Variants in THSD7A observed in about 807,000 individuals in gnomAD.
THSD7A encodes the protein thrombospondin type 1 domain containing 7A.
In THSD7A, 96 loss-of-function variants were observed where a neutral mutation model predicts 231.3. That is an observed-to-expected ratio of 0.41 (90% confidence interval 0.35 to 0.49). THSD7A has a LOEUF of 0.49. THSD7A is among the 20% of genes least tolerant of loss of function. The probability of loss-of-function intolerance (pLI) is 0.05; values close to 1 mark genes in which losing one functional copy is unlikely to be tolerated. For missense variants in THSD7A, 2,290 were observed against 2,070.2 expected (o/e 1.11, Z -2.06); for synonymous variants, 940 against 743.3 (o/e 1.26, Z -4.30).
chr7:11,562,395 T>C (rs937164158), intron 4 of THSD7A, among the ~76,000 whole-genome samples: 11 of 152,186 alleles, frequency 7.2e-5, no homozygotes, highest in Non-Finnish European at 1.2e-4. Flanking sequence ...GCTCAAAGGT[T>C]GAGAAAAATG....
At chr7:11,616,249 G>C (rs2128350870) in intron 2 of THSD7A, among the ~76,000 whole-genome samples, 1 of 152,174 alleles carries the variant, frequency 6.6e-6, no homozygotes, top group South Asian at 2.1e-4. Flanking sequence ...TCTTCATAAA[G>C]TTGTTATGGT....
chr7:11,673,499 T>C (rs959598956), intron 1 of THSD7A, among the ~76,000 whole-genome samples: 2 of 152,138 alleles, frequency 1.3e-5, no homozygotes, highest in Non-Finnish European at 2.9e-5. Flanking sequence ...GACATGTTCT[T>C]GTGCCCATCA....
intron 2 of THSD7A, among the ~76,000 whole-genome samples, chr7:11,624,776 T>C (rs1430576861): frequency 6.6e-6 from 1 of 152,068 alleles, no homozygotes; most frequent in Non-Finnish European, 1.5e-5. Context: ...TTAAAGTAAT[T>C]TTATTTATTT....
At chr7:11,607,622 T>C (rs905533674) in intron 2 of THSD7A, among the ~76,000 whole-genome samples, 3 of 152,064 alleles carry the variant, frequency 2.0e-5, no homozygotes, top group East Asian at 3.9e-4. Context: ...CTTATAATTA[T>C]TTATTTATTT....
intron 19 of THSD7A, among the ~76,000 whole-genome samples, chr7:11,410,870 A>T (rs1783760416): frequency 6.6e-6 from 1 of 152,106 alleles, no homozygotes; most frequent in Non-Finnish European, 1.5e-5. Context: ...TGTCCCAGGC[A>T]CTACACAAAA....
chr7:11,445,779 G>T (rs1784948157), intron 13 of THSD7A, among the ~76,000 whole-genome samples: 1 of 151,932 alleles, frequency 6.6e-6, no homozygotes, highest in Non-Finnish European at 1.5e-5. Context: ...ATAAGCTCTG[G>T]GGGACCGTTC....
At chr7:11,752,823 G>T (rs1782545573) in intron 1 of THSD7A, among the ~76,000 whole-genome samples, 1 of 152,020 alleles carries the variant, frequency 6.6e-6, no homozygotes, top group African/African-American at 2.4e-5. Flanking sequence ...CTACTCAAGA[G>T]GCTGAGTTGA....
chr7:11,765,023 C>G (rs887208747), intron 1 of THSD7A, among the ~76,000 whole-genome samples: 1 of 151,918 alleles, frequency 6.6e-6, no homozygotes, highest in African/African-American at 2.4e-5. Context: ...TGATTAAATA[C>G]TTAAAAATAT....
intron 4 of THSD7A, among the ~76,000 whole-genome samples, chr7:11,559,443 T>C (rs1296254107): frequency 6.6e-6 from 1 of 151,996 alleles, no homozygotes; most frequent in Non-Finnish European, 1.5e-5. Flanking sequence ...GGTAAATACA[T>C]TAATTACAAA....
At chr7:11,657,665 ATATGCAAATC>A (rs1782758706) in intron 1 of THSD7A, among the ~76,000 whole-genome samples, 1 of 151,844 alleles carries the variant, frequency 6.6e-6, no homozygotes, top group African/African-American at 2.4e-5. Context: ...AGTATTTAAC[ATATGCAAATC>A]TATTTCTCTA....
intron 2 of THSD7A, among the ~76,000 whole-genome samples, chr7:11,602,027 C>T (rs551759453): frequency 6.6e-6 from 1 of 152,184 alleles, no homozygotes; most frequent in East Asian, 1.9e-4. Context: ...CTTTTTTAGC[C>T]AATGCCAAAG....
intron 6 of THSD7A, among the ~76,000 whole-genome samples, chr7:11,501,381 T>C (rs1787330696): frequency 6.6e-6 from 1 of 152,178 alleles, no homozygotes; most frequent in African/African-American, 2.4e-5. Flanking sequence ...TAATTGGACA[T>C]AAAACAGTCC....
chr7:11,673,100 G>C (rs1783468733), intron 1 of THSD7A, among the ~76,000 whole-genome samples: 1 of 152,146 alleles, frequency 6.6e-6, no homozygotes, highest in Non-Finnish European at 1.5e-5. Flanking sequence ...AGGATTAATA[G>C]TTAGGTGACA....
At chr7:11,429,236 G>GT in intron 13 of THSD7A, 111 bp from the exon 14 acceptor site, 1 of 1,029,392 alleles carries the variant, frequency 9.7e-7, no homozygotes, top group Non-Finnish European at 1.4e-6. Context: ...ACAGCAGCAT[G>GT]CAAATGCAGA....
chr7:11,818,655 A>G (rs1784781930), intron 1 of THSD7A, among the ~76,000 whole-genome samples: 1 of 152,210 alleles, frequency 6.6e-6, no homozygotes, highest in Non-Finnish European at 1.5e-5. Context: ...GTAGATATGC[A>G]GCTACATGAT....
chr7:11,513,304 T>C (rs1024506500), intron 6 of THSD7A, among the ~76,000 whole-genome samples: 7 of 151,192 alleles, frequency 4.6e-5, no homozygotes, highest in South Asian at 2.1e-4. Flanking sequence ...CAATCACTTA[T>C]GGAAAAATAG....
At chr7:11,497,313 T>C (rs1390850080) in intron 6 of THSD7A, among the ~76,000 whole-genome samples, 2 of 152,072 alleles carry the variant, frequency 1.3e-5, no homozygotes, top group Non-Finnish European at 2.9e-5. Context: ...TAAAATGAGA[T>C]TTGGTTGAGG....
chr7:11,824,934 C>G (rs1041703478), intron 1 of THSD7A, among the ~76,000 whole-genome samples: 2 of 152,172 alleles, frequency 1.3e-5, no homozygotes, highest in South Asian at 2.1e-4. Context: ...ATAAAAAGTT[C>G]TATTTACATA....
chr7:11,831,839 C>A lies in THSD7A; in HGVS notation c.108G>T (p.Leu36=). The A allele has an allele frequency of 7.1e-7, 1 of 1,399,174 alleles. No homozygotes were observed. The allele number at this position is 1,399,174 out of a possible 1,614,324, so 86.7% of individuals were successfully genotyped here. ...CGGCGCCCGGGCGTAGCAGCAGCAG[C>A]AGGAGCAGCGGCAGCGGCAGCGGCA... The part of the protein sequence containing the change: ...LPLPLPLPLL[L]LLLLRPGAGR... The change falls in exon 1 of 28, where the codon CTG becomes CTT. Residue 36 remains leucine, a synonymous_variant. Transcript: ENST00000423059. This position sits in a 1 kb window ranked among gnomAD's most constrained non-coding sequence, Gnocchi z 5.0.
Sources: gnomAD v4.1 joint callset for allele counts (sites outside exome capture counted in the v4.1 genomes callset) on GRCh38, gnomAD v4.1.1 for gene constraint, Gnocchi (gnomAD v3.1) non-coding constraint, MANE v1.5 for transcripts, NCBI Gene and HGNC (gene_info 2026-07-23, HGNC 2026-07-21) for gene names.